The following CDC42BPB variants were observed in gnomAD, a reference collection of about 807,000 sequenced individuals.
CDC42BPB encodes the protein serine/threonine-protein kinase MRCK beta.
A neutral mutation model predicts 214.9 loss-of-function variants in CDC42BPB; 37 were observed. The observed-to-expected ratio is 0.17, with a 90% CI of 0.13 to 0.23. The LOEUF (loss-of-function observed/expected upper bound fraction) is 0.23, where lower values mean the gene tolerates loss of function less well. Among genes scored for constraint, CDC42BPB ranks in the 10% least tolerant of loss-of-function variants. The pLI, the probability that CDC42BPB is intolerant of heterozygous loss-of-function variation, is 1.00. For missense variants in CDC42BPB, 1,694 were observed against 2,227.0 expected (o/e 0.76, Z 4.82); for synonymous variants, 931 against 884.0 (o/e 1.05, Z -0.94).
Position 102,946,454 on chromosome 14 carries a change from C to A in CDC42BPB, c.3748+14G>T, listed in dbSNP as rs374048113. The A allele has an allele frequency of 1.2e-6, 2 of 1,612,188 alleles. No homozygotes were observed. The highest frequency in any genetic ancestry group is 1.7e-6 in the Non-Finnish European group (2 of 1,179,904). ...TGCTTCAGACACCTGAAGGACACAA[C>A]CTTTGGGACGTACCCACGATGGCAG... On this transcript the variant is annotated intron_variant, in intron 28 of 36. Coordinates refer to ENST00000361246, the MANE Select transcript of CDC42BPB (RefSeq NM_006035.4).
At chr14:103,041,859 G>A (rs143019028) in intron 1 of CDC42BPB, 126 of 394,694 alleles carry the variant, frequency 3.2e-4, no homozygotes, top group Non-Finnish European at 4.6e-4. Flanking sequence ...GGAAGCCCTC[G>A]GCCACCAGGA....
At chr14:103,038,634 C>T (rs1007131644) in intron 1 of CDC42BPB, among the ~76,000 whole-genome samples, 2 of 150,884 alleles carry the variant, frequency 1.3e-5, no homozygotes, top group Non-Finnish European at 2.9e-5. Flanking sequence ...TCAAGCAATC[C>T]TCCCACCTCA....
At chr14:103,050,363 T>C (rs1487644246) in intron 1 of CDC42BPB, among the ~76,000 whole-genome samples, 3 of 152,216 alleles carry the variant, frequency 2.0e-5, no homozygotes, top group Non-Finnish European at 4.4e-5. Context: ...AAATGCTGGT[T>C]AGAGGGCTGT....
intron 8 of CDC42BPB, 194 bp from the exon 9 acceptor site, chr14:102,978,399 G>A (rs537813171): frequency 4.4e-6 from 4 of 918,550 alleles, no homozygotes; most frequent in Admixed American, 1.2e-4. Flanking sequence ...GGCCCTGTAC[G>A]CTGTATGTAC....
At chr14:102,968,909 T>C (rs970162233) in intron 14 of CDC42BPB, 193 bp from the exon 15 acceptor site, 1 of 985,368 alleles carries the variant, frequency 1.0e-6, no homozygotes, top group African/African-American at 1.7e-5. Flanking sequence ...GAGACGGCCT[T>C]GCAGGGGGAT....
chr14:102,957,316 C>A (rs1892756556), intron 21 of CDC42BPB, among the ~76,000 whole-genome samples: 1 of 152,056 alleles, frequency 6.6e-6, no homozygotes, highest in African/African-American at 2.4e-5. Flanking sequence ...GCTGCCCACT[C>A]TCCACAGCTG....
intron 9 of CDC42BPB, among the ~76,000 whole-genome samples, chr14:102,977,506 C>T (rs1893807282): frequency 6.6e-6 from 1 of 152,124 alleles, no homozygotes; most frequent in Admixed American, 6.6e-5. Context: ...CTCCTCTTGG[C>T]CCCAGTTTCC....
At chr14:103,026,055 TAACTC>T (rs1315776207) in intron 1 of CDC42BPB, among the ~76,000 whole-genome samples, 2 of 152,016 alleles carry the variant, frequency 1.3e-5, no homozygotes, top group African/African-American at 2.4e-5. Context: ...ACAAAAAAAT[TAACTC>T]AAAATGAATT....
chr14:102,973,213 A>G (rs973823517), intron 12 of CDC42BPB, among the ~76,000 whole-genome samples: 1 of 152,202 alleles, frequency 6.6e-6, no homozygotes, highest in Non-Finnish European at 1.5e-5. Context: ...AAGCAATGAG[A>G]TGCCATGTGC....
intron 36 of CDC42BPB, among the ~76,000 whole-genome samples, chr14:102,934,567 C>G (rs1444437884): frequency 2.6e-5 from 4 of 151,988 alleles, no homozygotes; most frequent in Non-Finnish European, 5.9e-5. Flanking sequence ...CAAAAATCAG[C>G]CGGGCACAGT....
intron 5 of CDC42BPB, among the ~76,000 whole-genome samples, chr14:102,996,356 A>G (rs1271665170): frequency 6.6e-6 from 1 of 152,208 alleles, no homozygotes; most frequent in Non-Finnish European, 1.5e-5. Context: ...GAAAAGAGAG[A>G]GAGAATGAGG....
chr14:102,992,577 G>A (rs1287312743), intron 5 of CDC42BPB, among the ~76,000 whole-genome samples: 6 of 151,998 alleles, frequency 3.9e-5, no homozygotes, highest in African/African-American at 1.2e-4. Context: ...CTGTGCTCAC[G>A]TCACACGCTG....
At chr14:103,023,922 C>T (rs1182847865) in intron 1 of CDC42BPB, among the ~76,000 whole-genome samples, 1 of 152,200 alleles carries the variant, frequency 6.6e-6, no homozygotes, top group African/African-American at 2.4e-5. Context: ...AGGGAGCCCC[C>T]ATGTCAGCTG....
rs761336103 is a variant in CDC42BPB, at chr14:102,940,216, GGCC to G, written c.4506+8_4506+10del. 2 of 1,607,228 alleles carry G rather than the reference GGCC, an allele frequency of 1.2e-6. No homozygotes were observed. Among genetic ancestry groups the G allele is most frequent in the Non-Finnish European group, 1.7e-6 (2 of 1,177,216 alleles). On this transcript the variant is annotated splice_region_variant and intron_variant, in intron 31 of 36. Coordinates refer to ENST00000361246, the MANE Select transcript of CDC42BPB (RefSeq NM_006035.4). ...GCCCGCCCGCACAGGAGGGCACCGA[GGCC>G]GCCTTACCCTCCGCAGGCCGATGGT...
chr14:102,960,278 G>C (rs1185947740), intron 20 of CDC42BPB, among the ~76,000 whole-genome samples: 4 of 152,054 alleles, frequency 2.6e-5, no homozygotes, highest in Non-Finnish European at 4.4e-5. Flanking sequence ...GGTGGAGGAG[G>C]AGCAGATCTA....
intron 7 of CDC42BPB, chr14:102,981,253 A>T: frequency 1.1e-6 from 1 of 908,712 alleles, no homozygotes; most frequent in Non-Finnish European, 1.3e-6. Context: ...CATGTAAATG[A>T]CACATTTTAC....
chr14:102,943,976 G>A lies in CDC42BPB; in HGVS notation c.4323C>T (p.Phe1441=). Residue 1441 remains phenylalanine, a synonymous_variant, in exon 30 of 37, where the codon TTC becomes TTT. Transcript: ENST00000361246. This position sits in a 1 kb window ranked among gnomAD's most constrained non-coding sequence, Gnocchi z 4.6. ...GGTCCACGTACAGTCCCATGTGGCTGAAGCAAAGCAGGTACTCCTCGCTTT... is the reference window on the plus strand; with the variant it reads ...GGTCCACGTACAGTCCCATGTGGCTAAAGCAAAGCAGGTACTCCTCGCTTT... ...ELESEEYLLC[F]SHMGLYVDPQ... is the part of the protein sequence containing the mutation. The A allele has an allele frequency of 6.2e-7, 1 of 1,613,068 alleles. No homozygotes were observed. Among genetic ancestry groups the A allele is most frequent in the Non-Finnish European group, 8.5e-7 (1 of 1,180,022 alleles).
At chr14:102,933,885 G>C (rs1446075635) in intron 36 of CDC42BPB, 42 bp from the exon 37 acceptor site, 1 of 1,473,400 alleles carries the variant, frequency 6.8e-7, no homozygotes, top group African/African-American at 1.5e-5. Context: ...CGCTGCCCTA[G>C]CCTGGGGAGG....
intron 1 of CDC42BPB, among the ~76,000 whole-genome samples, chr14:103,055,385 T>C (rs1056125155): frequency 6.6e-6 from 1 of 152,156 alleles, no homozygotes; most frequent in Non-Finnish European, 1.5e-5. Flanking sequence ...ATCATGCCAC[T>C]GCACTCCAGC....
Sources: gnomAD v4.1 joint callset for allele counts (sites outside exome capture counted in the v4.1 genomes callset) on GRCh38, gnomAD v4.1.1 for gene constraint, Gnocchi (gnomAD v3.1) non-coding constraint, MANE v1.5 for transcripts, NCBI Gene and HGNC (gene_info 2026-07-23, HGNC 2026-07-21) for gene names.